Variants in MLLT10 observed in about 807,000 individuals in gnomAD.
The protein encoded by MLLT10 is MLLT10 histone lysine methyltransferase DOT1L cofactor, also known as protein AF-10.
MLLT10 carries 30 observed loss-of-function variants against 129.1 expected under a neutral mutation model. The ratio of observed to expected loss-of-function variants is 0.23; its 90% CI spans 0.17 to 0.32. The LOEUF (loss-of-function observed/expected upper bound fraction) is 0.32, where lower values mean the gene tolerates loss of function less well. Ranked by LOEUF, MLLT10 falls within the 10% of genes least tolerant of loss-of-function variation. MLLT10 has a pLI of 1.00. For missense variants in MLLT10, 1,119 were observed against 1,268.3 expected, an observed-to-expected ratio of 0.88 and a Z score of 1.79; for synonymous variants, 490 against 446.4, an observed-to-expected ratio of 1.10 and a Z score of -1.23.
rs528394592 is a variant in MLLT10, at chr10:21,577,547, A to G, written c.241-8747A>G. On this transcript the variant is annotated intron_variant, in intron 3 of 22. Transcript: ENST00000307729. ...GGTGCAATGGCGCAATCTCAGCCCA[A>G]TGCAGTCTTCACCTCCTGGGTTCAA... 1.3e-4 allele frequency among the ~76,000 whole-genome samples: 20 copies of G among 151,104 alleles called. No individual in the cohort carries two copies. The East Asian group carries it at 3.9e-3, about 29-fold the overall frequency.
At position 21,740,013 on chromosome 10, in the gene MLLT10, C is replaced by T; in HGVS notation, c.2956-17C>T. ...GTGCTTGGGAACTCATTTTCTCTCA[C>T]ATGTTTTTTGCCTAAGGAACAACAT... is the stretch of plus-strand genomic sequence containing the variant. On this transcript the variant is annotated splice_polypyrimidine_tract_variant and intron_variant, in intron 21 of 22. Coordinates refer to ENST00000307729, the MANE Select transcript of MLLT10 (RefSeq NM_001195626.3). The T allele has an allele frequency of 6.4e-7, 1 of 1,572,174 alleles. No homozygotes were observed. The highest frequency in any genetic ancestry group is 8.7e-7 in the Non-Finnish European group (1 of 1,155,018).
At chr10:21,634,898 T>A (rs1198616206) in intron 8 of MLLT10, among the ~76,000 whole-genome samples, 2 of 152,240 alleles carry the variant, frequency 1.3e-5, no homozygotes, top group Non-Finnish European at 2.9e-5. Flanking sequence ...TTTTCAACAG[T>A]TTATAAAAAT....
chr10:21,667,777 C>G (rs1360768154), intron 9 of MLLT10, among the ~76,000 whole-genome samples: 1 of 152,086 alleles, frequency 6.6e-6, no homozygotes, highest in Non-Finnish European at 1.5e-5. Context: ...ATCATAGCTG[C>G]TGTTTCTTTG....
intron 7 of MLLT10, among the ~76,000 whole-genome samples, chr10:21,615,897 A>C (rs2045207249): frequency 6.6e-6 from 1 of 152,116 alleles, no homozygotes; most frequent in South Asian, 2.1e-4. Flanking sequence ...CCGAGTATCT[A>C]CTTCTCATTC....
At chr10:21,625,165 A>G (rs1418349576) in intron 8 of MLLT10, 1 of 1,350,728 alleles carries the variant, frequency 7.4e-7, no homozygotes, top group African/African-American at 1.4e-5. Flanking sequence ...GGGTGTAGTG[A>G]TAATCTTCAT....
intron 14 of MLLT10, among the ~76,000 whole-genome samples, chr10:21,722,342 A>G (rs1039179386): frequency 8.5e-5 from 13 of 152,210 alleles, no homozygotes; most frequent in African/African-American, 3.1e-4. Flanking sequence ...TTCCAAAAAG[A>G]ATTTCTAGTC....
At chr10:21,575,221 T>C (rs1236587086) in intron 3 of MLLT10, among the ~76,000 whole-genome samples, 2 of 152,048 alleles carry the variant, frequency 1.3e-5, no homozygotes, top group African/African-American at 2.4e-5. Flanking sequence ...AGACAGAGTT[T>C]TGTGCTGCCA....
At position 21,670,639 on chromosome 10, in the gene MLLT10, G is replaced by T. The variant is rs562174571; in HGVS notation, c.986G>T (p.Gly329Val). ...TCAGCTCACAGCTCAGGTCAAAGGG[G>T]AAGAAAGCCTGGTGGTGGAAGAAAT... ...KSSAHSSGQR[G>V]RKPGGGRNPG... Residue 329 changes from glycine to valine, a missense_variant, in exon 10 of 23, where the codon GGA becomes GTA. Physicochemically the swap from Gly to Val is moderately radical, Grantham distance 109 (BLOSUM62 -3). This residue lies in a region of MLLT10 where 1,004 missense variants were observed against 1,008.7 expected (regional missense o/e 1.00). Transcript: ENST00000307729. The T allele has an allele frequency of 1.2e-6, 2 of 1,614,052 alleles. No individual in the cohort carries two copies. Among genetic ancestry groups the T allele is most frequent in the Non-Finnish European group, 1.7e-6 (2 of 1,180,034 alleles).
chr10:21,621,547 G>T (rs1438418433), intron 8 of MLLT10, among the ~76,000 whole-genome samples: 2 of 152,164 alleles, frequency 1.3e-5, no homozygotes, highest in East Asian at 1.9e-4. Flanking sequence ...GCCCAGCCAA[G>T]AATTTAATTT....
chr10:21,623,208 T>C (rs2046076127), intron 8 of MLLT10, among the ~76,000 whole-genome samples: 1 of 152,188 alleles, frequency 6.6e-6, no homozygotes, highest in Non-Finnish European at 1.5e-5. Context: ...TCGTTGGTCA[T>C]TGGTGATTGA....
chr10:21,618,861 T>C (rs1411558240), intron 8 of MLLT10, among the ~76,000 whole-genome samples: 1 of 152,028 alleles, frequency 6.6e-6, no homozygotes, highest in Admixed American at 6.6e-5. Flanking sequence ...GCCTACCTAG[T>C]AGCTAGGATT....
chr10:21,537,307 T>A (rs1021170659), intron 2 of MLLT10, among the ~76,000 whole-genome samples: 3 of 152,160 alleles, frequency 2.0e-5, no homozygotes, highest in Non-Finnish European at 2.9e-5. Flanking sequence ...TTTCTTTATA[T>A]ATTTTTTTGA....
intron 10 of MLLT10, among the ~76,000 whole-genome samples, chr10:21,673,069 A>G (rs1357500231): frequency 1.3e-5 from 2 of 152,170 alleles, no homozygotes; most frequent in Non-Finnish European, 2.9e-5. Context: ...TAGGTGAAAT[A>G]AAGCGCATCT....
At chr10:21,563,789 G>A (rs1332502071) in intron 3 of MLLT10, among the ~76,000 whole-genome samples, 2 of 142,194 alleles carry the variant, frequency 1.4e-5, no homozygotes, top group African/African-American at 2.9e-5. Context: ...ATCTCACTGT[G>A]TGTATTATTA....
chr10:21,571,598 A>G (rs1589008616), intron 3 of MLLT10, among the ~76,000 whole-genome samples: 2 of 152,192 alleles, frequency 1.3e-5, no homozygotes, highest in East Asian at 3.9e-4. Flanking sequence ...GGTTTTTATT[A>G]TTTCGTGCAA....
intron 3 of MLLT10, among the ~76,000 whole-genome samples, chr10:21,548,738 T>A (rs1588857968): frequency 6.6e-6 from 1 of 152,218 alleles, no homozygotes; most frequent in East Asian, 1.9e-4. Context: ...TATTTTTAAT[T>A]CAGTGAATTA....
chr10:21,738,986 TCTTAAAA>T (rs2058612063), intron 21 of MLLT10, among the ~76,000 whole-genome samples: 2 of 152,122 alleles, frequency 1.3e-5, no homozygotes, highest in African/African-American at 2.4e-5. Context: ...CGCTGGCATA[TCTTAAAA>T]GACATTTCAA....
intron 11 of MLLT10, among the ~76,000 whole-genome samples, chr10:21,680,710 G>A (rs1002120660): frequency 7.9e-5 from 12 of 152,150 alleles, no homozygotes; most frequent in Middle Eastern, 3.4e-3. Flanking sequence ...GGTGGCTCAC[G>A]TCGGTAATCC....
chr10:21,586,389 TG>T, intron 4 of MLLT10, 41 bp downstream of exon 4: 1 of 1,325,924 alleles, frequency 7.5e-7, no homozygotes, highest in Non-Finnish European at 1.1e-6. Flanking sequence ...TATTGAAAAC[TG>T]GGACAGTGGA....
Sources: gnomAD v4.1 joint callset for allele counts (sites outside exome capture counted in the v4.1 genomes callset) on GRCh38, gnomAD v4.1.1 for gene constraint, gnomAD v4.1.1 regional missense constraint, MANE v1.5 for transcripts, NCBI Gene and HGNC (gene_info 2026-07-23, HGNC 2026-07-21) for gene names.